Variants in FTO observed in about 807,000 individuals in gnomAD.
The protein encoded by FTO is FTO alpha-ketoglutarate dependent dioxygenase, also known as alpha-ketoglutarate-dependent dioxygenase FTO.
In FTO, 47 loss-of-function variants were observed where a neutral mutation model predicts 63.9. That is an observed-to-expected ratio of 0.74 (90% CI 0.58 to 0.94). FTO has a LOEUF of 0.94. FTO is among the 40% of genes least tolerant of loss of function. The pLI is 0.00. For missense variants in FTO, 562 were observed against 618.1 expected, an observed-to-expected ratio of 0.91 and a Z score of 0.96; for synonymous variants, 207 against 224.4, an observed-to-expected ratio of 0.92 and a Z score of 0.69.
At chr16:54,088,394 G>A (rs796956471) in intron 8 of FTO, among the ~76,000 whole-genome samples, 27 of 152,222 alleles carry the variant, frequency 1.8e-4, no homozygotes, top group African/African-American at 6.5e-4. Flanking sequence ...CAGATTATAA[G>A]CAATTCTGCA....
intron 7 of FTO, among the ~76,000 whole-genome samples, chr16:53,907,643 C>T (rs1351100560): frequency 6.6e-6 from 1 of 152,118 alleles, no homozygotes; most frequent in Non-Finnish European, 1.5e-5. Context: ...CCATCTTTTC[C>T]TCCTCACCTT....
At chr16:53,867,673 T>C (rs933737489) in intron 4 of FTO, among the ~76,000 whole-genome samples, 8 of 152,134 alleles carry the variant, frequency 5.3e-5, no homozygotes, top group Admixed American at 1.3e-4. Context: ...TATTCTGCTG[T>C]TGTTGAATGA....
Position 53,939,539 on chromosome 16 carries a change from A to G in FTO, c.1364+5430A>G, listed in dbSNP as rs948324619. The stretch of plus-strand genomic sequence containing the variant: ...TTTAGTATATGCACGAGATTGTGCA[A>G]CTGTTACCACTATCCAATTCCAGAG... On this transcript the variant is annotated intron_variant, in intron 8 of 8. Coordinates refer to ENST00000471389, the MANE Select transcript of FTO (RefSeq NM_001080432.3). Among the ~76,000 whole-genome samples, 71 of 152,330 alleles carry G rather than the reference A, an allele frequency of 4.7e-4. 1 individual carries two copies. Among genetic ancestry groups the G allele is most frequent in the African/African-American group, 1.5e-3 (64 of 41,566 alleles).
chr16:53,771,601 C>T (rs1018054766), intron 1 of FTO, among the ~76,000 whole-genome samples: 5 of 151,964 alleles, frequency 3.3e-5, no homozygotes, highest in Non-Finnish European at 5.9e-5. Context: ...CCATATAACC[C>T]GGCAATTCCA....
At chr16:53,988,339 A>T (rs757044962) in intron 8 of FTO, among the ~76,000 whole-genome samples, 9 of 152,240 alleles carry the variant, frequency 5.9e-5, no homozygotes, top group Non-Finnish European at 8.8e-5. Flanking sequence ...CAGTGCCAAG[A>T]CAATAAGAAG....
intron 1 of FTO, among the ~76,000 whole-genome samples, chr16:53,750,051 A>G (rs2076747932): frequency 6.6e-6 from 1 of 152,216 alleles, no homozygotes; most frequent in Admixed American, 6.5e-5. Flanking sequence ...CATGGAAGTA[A>G]AAGAATAAGT....
At chr16:53,768,965 A>G (rs2077271896) in intron 1 of FTO, among the ~76,000 whole-genome samples, 1 of 152,138 alleles carries the variant, frequency 6.6e-6, no homozygotes, top group South Asian at 2.1e-4. Flanking sequence ...TTCTTTGGAA[A>G]AGTACAGATT....
At chr16:53,937,505 A>T (rs929107886) in intron 8 of FTO, 8 of 374,568 alleles carry the variant, frequency 2.1e-5, no homozygotes, top group African/African-American at 1.5e-4. Context: ...GCAGAAAAAG[A>T]GCAGCTGCAA....
chr16:54,065,098 CATTTTATTTT>C (rs36221204), intron 8 of FTO, among the ~76,000 whole-genome samples: 2,432 of 122,424 alleles, frequency 0.02, 71 homozygotes, highest in African/African-American at 0.063. Context: ...GTTAGCATAA[CATTTTATTTT>C]ATTTTATTTT....
chr16:53,961,039 C>G (rs1872825987), intron 8 of FTO, among the ~76,000 whole-genome samples: 1 of 152,138 alleles, frequency 6.6e-6, no homozygotes, highest in Non-Finnish European at 1.5e-5. Flanking sequence ...AATGATTGCT[C>G]TCTTCACCCC....
At chr16:53,843,653 A>G (rs549426159) in intron 3 of FTO, among the ~76,000 whole-genome samples, 3 of 152,268 alleles carry the variant, frequency 2.0e-5, no homozygotes, top group Admixed American at 6.5e-5. Flanking sequence ...CAGCTTTTCT[A>G]GTTACTAACC....
chr16:53,766,258 C>A (rs578236526), intron 1 of FTO, among the ~76,000 whole-genome samples: 1 of 152,172 alleles, frequency 6.6e-6, no homozygotes, highest in Non-Finnish European at 1.5e-5. Context: ...TGGGGTCTCA[C>A]TCTGTTGCCC....
chr16:53,989,910 T>C (rs905676862), intron 8 of FTO, among the ~76,000 whole-genome samples: 1 of 151,238 alleles, frequency 6.6e-6, no homozygotes, highest in Non-Finnish European at 1.5e-5. Flanking sequence ...GATGATCCAC[T>C]TCCACTTAAT....
At chr16:54,011,448 C>G (rs1000188725) in intron 8 of FTO, among the ~76,000 whole-genome samples, 5 of 152,122 alleles carry the variant, frequency 3.3e-5, no homozygotes, top group African/African-American at 1.2e-4. Flanking sequence ...ATCTATCAGC[C>G]TAATGGTTCT....
chr16:54,018,103 GTT>G (rs1287576180), intron 8 of FTO, among the ~76,000 whole-genome samples: 1 of 151,860 alleles, frequency 6.6e-6, no homozygotes, highest in Non-Finnish European at 1.5e-5. Flanking sequence ...CTTTGCTAAA[GTT>G]TGAATCATCT....
chr16:53,755,443 T>A (rs1259304927), intron 1 of FTO, among the ~76,000 whole-genome samples: 1 of 152,168 alleles, frequency 6.6e-6, no homozygotes, highest in Non-Finnish European at 1.5e-5. Flanking sequence ...ACTTGAGGGA[T>A]TACAGGGAGT....
At chr16:54,061,480 C>T (rs1209051232) in intron 8 of FTO, among the ~76,000 whole-genome samples, 1 of 152,036 alleles carries the variant, frequency 6.6e-6, no homozygotes, top group African/African-American at 2.4e-5. Flanking sequence ...TTCTAAATTG[C>T]TTTTAGGTTT....
intron 7 of FTO, among the ~76,000 whole-genome samples, chr16:53,924,929 G>A (rs1241229539): frequency 1.3e-5 from 2 of 152,128 alleles, no homozygotes; most frequent in Admixed American, 1.3e-4. Context: ...TTGAGCCAAA[G>A]AGGCCTCACA....
At chr16:53,966,244 G>A (rs1449610784) in intron 8 of FTO, among the ~76,000 whole-genome samples, 4 of 152,110 alleles carry the variant, frequency 2.6e-5, no homozygotes, top group Non-Finnish European at 1.5e-5. Context: ...TATTTTTACT[G>A]TTTAATTGTC....
Sources: allele counts gnomAD v4.1 joint callset (sites outside exome capture counted in the v4.1 genomes callset), GRCh38; gene constraint gnomAD v4.1.1; transcripts MANE v1.5; gene names NCBI Gene and HGNC (gene_info 2026-07-23, HGNC 2026-07-21).